Variants in CTHRC1 observed in about 807,000 individuals in gnomAD.
The protein encoded by CTHRC1 is collagen triple helix repeat containing 1, also known as collagen triple helix repeat-containing protein 1.
CTHRC1 carries 21 observed loss-of-function variants against 25.9 expected under a neutral mutation model. The observed-to-expected ratio is 0.81, with a 90% CI of 0.57 to 1.17. The LOEUF is 1.17. Ranked by LOEUF, CTHRC1 falls within the 50% of genes most tolerant of loss-of-function variation. The pLI, the probability that CTHRC1 is intolerant of heterozygous loss-of-function variation, is 0.00. For missense variants in CTHRC1, 281 were observed against 304.3 expected (o/e 0.92, Z 0.57); for synonymous variants, 109 against 113.1 (o/e 0.96, Z 0.23).
chr8:103,380,756 G>C (rs1367649163), intron 3 of CTHRC1, among the ~76,000 whole-genome samples: 2 of 152,224 alleles, frequency 1.3e-5, no homozygotes, highest in East Asian at 3.8e-4. Flanking sequence ...GCCGTAGGGG[G>C]AAGTGAACAA....
At position 103,378,014 on chromosome 8, in the gene CTHRC1, ATGTT is replaced by A; in HGVS notation, c.373-9_373-6del. On this transcript the variant is annotated splice_polypyrimidine_tract_variant and intron_variant, in intron 2 of 3. Coordinates refer to ENST00000330295, the MANE Select transcript of CTHRC1 (RefSeq NM_138455.4). ...AAAATGTTAATTAAATCCCATTTCT[ATGTT>A]TGTGACAGGAGTGTACATTTACAAA... 6.3e-7 allele frequency: 1 copy of A among 1,590,134 alleles called. No homozygotes were observed. The highest frequency in any genetic ancestry group is 8.6e-7 in the Non-Finnish European group (1 of 1,158,098).
At chr8:103,372,669 C>G in intron 1 of CTHRC1, 2 of 1,595,130 alleles carry the variant, frequency 1.3e-6, no homozygotes, top group South Asian at 2.2e-5. Flanking sequence ...GGTATGTTTG[C>G]TTAAAATCCT....
At chr8:103,371,891 C>T in intron 1 of CTHRC1, 85 bp downstream of exon 1, 3 of 1,325,890 alleles carry the variant, frequency 2.3e-6, no homozygotes, top group South Asian at 3.1e-5. Flanking sequence ...GTCAGTCTGG[C>T]TGTTGGGGGT....
chr8:103,372,526 T>TAAACACCATTACA, intron 1 of CTHRC1: 1 of 1,598,242 alleles, frequency 6.3e-7, no homozygotes, highest in Non-Finnish European at 8.5e-7. Flanking sequence ...GGGCAGTCTG[T>TAAACACCATTACA]CATTACACAC....
At chr8:103,382,181 G>C (rs942942556) in intron 3 of CTHRC1, among the ~76,000 whole-genome samples, 2 of 152,070 alleles carry the variant, frequency 1.3e-5, no homozygotes, top group Admixed American at 1.3e-4. Flanking sequence ...AGCTATCTCT[G>C]TAAGTATACA....
At chr8:103,371,831 G>T in intron 1 of CTHRC1, 25 bp downstream of exon 1, 1 of 1,481,392 alleles carries the variant, frequency 6.8e-7, no homozygotes, top group South Asian at 1.4e-5. Context: ...GCCGAGCCGG[G>T]ACCGCCGCGC....
chr8:103,381,075 G>C (rs556221481), intron 3 of CTHRC1, among the ~76,000 whole-genome samples: 1 of 152,084 alleles, frequency 6.6e-6, no homozygotes, highest in African/African-American at 2.4e-5. Context: ...ACTATATCAG[G>C]ATTCATTTTC....
At chr8:103,372,307 C>A in intron 1 of CTHRC1, 2 of 657,202 alleles carry the variant, frequency 3.0e-6, no homozygotes, top group Non-Finnish European at 4.6e-6. Context: ...GAATAACAAC[C>A]CCCACAAAGC....
chr8:103,376,558 T>A (rs1357024803), intron 2 of CTHRC1, among the ~76,000 whole-genome samples: 1 of 152,228 alleles, frequency 6.6e-6, no homozygotes, highest in Admixed American at 6.5e-5. Flanking sequence ...TTTCAGTCAC[T>A]TTGATTAGTG....
chr8:103,379,729 G>T (rs1427617735), intron 3 of CTHRC1, among the ~76,000 whole-genome samples: 1 of 152,130 alleles, frequency 6.6e-6, no homozygotes, highest in Non-Finnish European at 1.5e-5. Context: ...GGGGAGGGAG[G>T]AGATAATCTC....
chr8:103,380,868 G>A (rs1346741071), intron 3 of CTHRC1, among the ~76,000 whole-genome samples: 1 of 152,146 alleles, frequency 6.6e-6, no homozygotes, highest in Non-Finnish European at 1.5e-5. Context: ...GGGATTGTGG[G>A]CCTACTATTT....
chr8:103,382,468 T>C lies in CTHRC1; in HGVS notation c.600T>C (p.Leu200=). 1 of 1,613,838 alleles carries C rather than the reference T, an allele frequency of 6.2e-7. No homozygotes were observed. The highest frequency in any genetic ancestry group is 8.5e-7 in the Non-Finnish European group (1 of 1,179,842). Residue 200 remains leucine (L), a synonymous_variant, in exon 4 of 4, where the codon CTT becomes CTC. Coordinates refer to ENST00000330295, the MANE Select transcript of CTHRC1 (RefSeq NM_138455.4). ...NIHRTSSVEG[L]CEGIGAGLVD... ...ATCTTTGTCTTGCAGTGGAAGGACT[T>C]TGTGAAGGAATTGGTGCTGGATTAG...
At position 103,382,860 on chromosome 8, in the gene CTHRC1, T is replaced by C. The variant is rs1815938525; in HGVS notation, c.*260T>C. 2.5e-6 allele frequency: 1 copy of C among 393,248 alleles called. No homozygotes were observed. The highest frequency in any genetic ancestry group is 2.0e-5 in the African/African-American group (1 of 48,874). 24.4% of individuals were successfully genotyped at this position (393,248 alleles called of 1,614,324 possible). On this transcript the variant is annotated 3_prime_UTR_variant, in exon 4 of 4. Coordinates refer to ENST00000330295, the MANE Select transcript of CTHRC1 (RefSeq NM_138455.4). ...TTCTCTCAACCTATAATTTGGAATA[T>C]TGTTGTGGTCTTTTGTTTTTTCTCT...
chr8:103,377,979 A>G (rs1030298342), intron 2 of CTHRC1, 48 bp from the exon 3 acceptor site: 2 of 1,461,548 alleles, frequency 1.4e-6, no homozygotes, highest in Non-Finnish European at 1.9e-6. Flanking sequence ...GCTCTTTTTA[A>G]TTAAAATAGA....
At chr8:103,375,552 A>G (rs1205140550) in intron 1 of CTHRC1, among the ~76,000 whole-genome samples, 186 bp from the exon 2 acceptor site, 1 of 152,192 alleles carries the variant, frequency 6.6e-6, no homozygotes, top group Non-Finnish European at 1.5e-5. Context: ...AAAAATATGA[A>G]GGAAATCACA....
At position 103,382,666 on chromosome 8, in the gene CTHRC1, T is replaced by G; in HGVS notation, c.*66T>G. ...CTTGGAATGGTTCACTTAAATGACA[T>G]TTTAAATAAGTTTATGTATACATCT... On this transcript the variant is annotated 3_prime_UTR_variant, in exon 4 of 4. Transcript: ENST00000330295. 7.2e-7 allele frequency: 1 copy of G among 1,385,196 alleles called. No homozygotes were observed. Among genetic ancestry groups the G allele is most frequent in the Non-Finnish European group, 1.0e-6 (1 of 972,626 alleles). The allele number at this position is 1,385,196 out of a possible 1,614,324, so 85.8% of individuals were successfully genotyped here. A position where few individuals can be genotyped will look rare whatever the true frequency, so the allele number is the denominator to read the frequency against.
Position 103,371,590 on chromosome 8 carries a change from C to A in CTHRC1, c.-67C>A, listed in dbSNP as rs1282183262. 2 of 1,502,700 alleles carry A rather than the reference C, an allele frequency of 1.3e-6. No homozygotes were observed. The highest frequency in any genetic ancestry group is 1.8e-6 in the Non-Finnish European group (2 of 1,123,468). 93.1% of individuals were successfully genotyped at this position (1,502,700 alleles called of 1,614,324 possible). ...GGCCTCGGAGCGCGGCGGAGCCAGA[C>A]GCTGACCACGTTCCTCTCCTCGGTC... On this transcript the variant is annotated 5_prime_UTR_variant, in exon 1 of 4. Transcript: ENST00000330295.
chr8:103,381,453 C>T (rs7844075), intron 3 of CTHRC1, among the ~76,000 whole-genome samples: 4,446 of 140,360 alleles, frequency 0.032, 203 homozygotes, highest in African/African-American at 0.11. Flanking sequence ...GCTAAAATGA[C>T]TGAGGGATTT....
chr8:103,372,643 G>A, intron 1 of CTHRC1: 1 of 1,598,028 alleles, frequency 6.3e-7, no homozygotes, highest in Non-Finnish European at 8.5e-7. Context: ...GCTTTCCAGG[G>A]GCTCATCTGT....
Sources: allele counts gnomAD v4.1 joint callset (sites outside exome capture counted in the v4.1 genomes callset), GRCh38; gene constraint gnomAD v4.1.1; transcripts MANE v1.5; gene names NCBI Gene and HGNC (gene_info 2026-07-23, HGNC 2026-07-21).